ABL1: variants seen among roughly 807,000 people sequenced by gnomAD.
ABL1 encodes the protein tyrosine-protein kinase ABL1.
A neutral mutation model predicts 94.7 loss-of-function variants in ABL1; 11 were observed. That is an observed-to-expected ratio of 0.12 (90% CI 0.07 to 0.19). The LOEUF is 0.19. Ranked by LOEUF, ABL1 falls within the 10% of genes least tolerant of loss-of-function variation. ABL1 has a pLI of 1.00. For missense variants in ABL1, 1,082 were observed against 1,489.4 expected, an observed-to-expected ratio of 0.73 and a Z score of 4.50; for synonymous variants, 656 against 622.4, an observed-to-expected ratio of 1.05 and a Z score of -0.80.
At chr9:130,846,081 CTGTGTGTG>C (rs10554440) in intron 1 of ABL1, among the ~76,000 whole-genome samples, 38 of 148,148 alleles carry the variant, frequency 2.6e-4, no homozygotes, top group Admixed American at 4.0e-4. Context: ...AAACGTATGT[CTGTGTGTG>C]TGTGTGTGTG....
chr9:130,749,004 A>G (rs1031527190), intron 1 of ABL1, among the ~76,000 whole-genome samples: 2 of 152,190 alleles, frequency 1.3e-5, no homozygotes, highest in African/African-American at 4.8e-5. Flanking sequence ...TGAAATAGGC[A>G]TATCTTTTTG....
chr9:130,867,851 G>A (rs1831182298), intron 4 of ABL1, among the ~76,000 whole-genome samples: 1 of 152,104 alleles, frequency 6.6e-6, no homozygotes, highest in African/African-American at 2.4e-5. Flanking sequence ...CTACGAGGTG[G>A]TCTCTCCTGG....
Position 130,767,426 on chromosome 9 carries a change from G to A in ABL1, c.136+52971G>A, listed in dbSNP as rs148022178. Among the ~76,000 whole-genome samples the A allele has an allele frequency of 6.4e-3, 978 of 152,206 alleles. 6 individuals carry two copies. Among genetic ancestry groups the A allele is most frequent in the African/African-American group, 0.022 (905 of 41,524 alleles). On this transcript the variant is annotated intron_variant, in intron 1 of 10. Transcript: ENST00000372348. ...CTGCTCACTATAACCTCCGCCTCCC[G>A]GGTTCAAGCGATTCTTGTGCCTCAG...
chr9:130,734,372 C>T (rs1005169912), intron 1 of ABL1, among the ~76,000 whole-genome samples: 1 of 151,698 alleles, frequency 6.6e-6, no homozygotes, highest in African/African-American at 2.4e-5. Flanking sequence ...CGCCACCATG[C>T]CTGGCTAATT....
At chr9:130,819,978 C>T (rs1237952063) in intron 1 of ABL1, among the ~76,000 whole-genome samples, 1 of 151,762 alleles carries the variant, frequency 6.6e-6, no homozygotes, top group Non-Finnish European at 1.5e-5. Context: ...CTCTCAGCTT[C>T]AGAGGACACT....
chr9:130,726,589 A>G (rs1831589477), intron 1 of ABL1, among the ~76,000 whole-genome samples: 2 of 152,002 alleles, frequency 1.3e-5, no homozygotes, highest in Admixed American at 6.6e-5. Context: ...AACTTTCTCA[A>G]TTGTTTTCCA....
intron 2 of ABL1, 111 bp downstream of exon 2, chr9:130,854,348 G>T: frequency 8.0e-7 from 1 of 1,247,538 alleles, no homozygotes; most frequent in Admixed American, 2.4e-5. Context: ...AATCTGGACT[G>T]CAGGGATATC....
rs909710993 is a variant in ABL1, at chr9:130,814,540, G to C, written c.137-39524G>C. ...CTGAATATTGATCAGCAATCTAGAAGAAACAGATTCCTTGAATGACACAAA... is the reference window on the plus strand; with the variant it reads ...CTGAATATTGATCAGCAATCTAGAACAAACAGATTCCTTGAATGACACAAA... On this transcript the variant is annotated intron_variant, in intron 1 of 10. Coordinates refer to the ABL1 transcript ENST00000372348. This position sits in a 1 kb window ranked among gnomAD's most constrained non-coding sequence, Gnocchi z 4.4. 6.6e-6 allele frequency among the ~76,000 whole-genome samples: 1 copy of C among 152,226 alleles called. No homozygotes were observed. The highest frequency in any genetic ancestry group is 2.4e-5 in the African/African-American group (1 of 41,450).
In ABL1 at chr9:130,859,677, C is replaced by CTTTTTTTTTTTTTTTTTTTTTTTT. The variant is rs869234280; in HGVS notation, c.550-3080_550-3057dup. ...AAACGCTGTTTCTTTTCTTTCTTTC[C>CTTTTTTTTTTTTTTTTTTTTTTTT]TTTTTTTTTTTTTTTTTTTTTTTTT... On this transcript the variant is annotated intron_variant, in intron 3 of 10. Coordinates refer to ENST00000318560, the MANE Select transcript of ABL1 (RefSeq NM_005157.6). Among the ~76,000 whole-genome samples, 9 of 78,460 alleles carry CTTTTTTTTTTTTTTTTTTTTTTTT rather than the reference C, an allele frequency of 1.1e-4. 3 individuals carry two copies. The highest frequency in any genetic ancestry group is 5.4e-4 in the African/African-American group (8 of 14,880). The allele number at this position is 78,460 out of a possible 152,430, so 51.5% of individuals were successfully genotyped here.
chr9:130,807,829 C>T (rs980910490), intron 1 of ABL1, among the ~76,000 whole-genome samples: 2 of 150,404 alleles, frequency 1.3e-5, no homozygotes, highest in African/African-American at 4.9e-5. Context: ...TCCCGAGTAG[C>T]TGGGATCACA....
chr9:130,840,551 A>G (rs1026337826), intron 1 of ABL1, among the ~76,000 whole-genome samples: 1 of 152,264 alleles, frequency 6.6e-6, no homozygotes, highest in Admixed American at 6.5e-5. Context: ...ACTAAAGATC[A>G]AATGGGATAT....
At chr9:130,745,739 T>G (rs1831880082) in intron 1 of ABL1, among the ~76,000 whole-genome samples, 1 of 152,146 alleles carries the variant, frequency 6.6e-6, no homozygotes, top group East Asian at 1.9e-4. Flanking sequence ...TGACATTTTT[T>G]TAATCTCATG....
chr9:130,847,566 A>G lies in ABL1; in HGVS notation c.80-6498A>G, dbSNP rs78500299. On this transcript the variant is annotated intron_variant, in intron 1 of 10. Transcript: ENST00000318560. ...AAATGAAGCAAGTAACTTGGCATTT[A>G]TACATTGTGAGTCAATTTTGACATC... Among the ~76,000 whole-genome samples, 920 of 152,330 alleles carry G rather than the reference A, an allele frequency of 6.0e-3. 8 individuals are homozygous for G. The highest frequency in any genetic ancestry group is 0.021 in the African/African-American group (863 of 41,570).
At chr9:130,822,146 A>G (rs1830371481) in intron 1 of ABL1, among the ~76,000 whole-genome samples, 1 of 151,630 alleles carries the variant, frequency 6.6e-6, no homozygotes, top group Non-Finnish European at 1.5e-5. Context: ...CAAATTTTGT[A>G]TTTTTAGTAG....
At position 130,872,107 on chromosome 9, in the gene ABL1, C is replaced by T. The variant is rs759454910; in HGVS notation, c.823-22C>T. The T allele has an allele frequency of 6.2e-7, 1 of 1,611,326 alleles. No homozygotes were observed. Among genetic ancestry groups the T allele is most frequent in the Admixed American group, 1.7e-5 (1 of 59,900 alleles). ...AAAGCACTTCCTGAAATAATTTCAC[C>T]TTCGTTTTTTTCCTTCTGCAGGAGG... is the stretch of plus-strand genomic sequence containing the variant. On this transcript the variant is annotated intron_variant, in intron 4 of 10. Coordinates refer to ENST00000318560, the MANE Select transcript of ABL1 (RefSeq NM_005157.6). This position sits in a 1 kb window ranked among gnomAD's most constrained non-coding sequence, Gnocchi z 5.0.
chr9:130,726,860 A>G (rs941039089), intron 1 of ABL1, among the ~76,000 whole-genome samples: 1 of 152,224 alleles, frequency 6.6e-6, no homozygotes, highest in Non-Finnish European at 1.5e-5. Context: ...CAACATAGGC[A>G]TTTAAAGCTG....
In ABL1 at chr9:130,791,649, G is replaced by A. The variant is rs191429232; in HGVS notation, c.137-62415G>A. On this transcript the variant is annotated intron_variant, in intron 1 of 10. Transcript: ENST00000372348. Reference sequence around the variant, plus strand: ...ATGCTTCCTCCCACTCCTCCTGCCCGTCCACATAAGACTCCAGGTTCTAAG... The same window carrying A: ...ATGCTTCCTCCCACTCCTCCTGCCCATCCACATAAGACTCCAGGTTCTAAG... Among the ~76,000 whole-genome samples, 49 of 152,152 alleles carry A rather than the reference G, an allele frequency of 3.2e-4. No homozygotes were observed. In the East Asian group the frequency reaches 5.0e-3, roughly 16 times the overall value.
At chr9:130,844,826 C>T (rs1830738058) in intron 1 of ABL1, among the ~76,000 whole-genome samples, 1 of 152,158 alleles carries the variant, frequency 6.6e-6, no homozygotes, top group African/African-American at 2.4e-5. Context: ...AAAGAAATAC[C>T]TAGTTTCTAC....
rs115819338 is a variant in ABL1, at chr9:130,729,663, G to T, written c.136+15208G>T. 8.4e-3 allele frequency among the ~76,000 whole-genome samples: 1,275 copies of T among 152,182 alleles called. 25 individuals carry two copies. Among genetic ancestry groups the T allele is most frequent in the African/African-American group, 0.03 (1,238 of 41,524 alleles). On this transcript the variant is annotated intron_variant, in intron 1 of 10. Transcript: ENST00000372348. ...CTCAAATATTTTATTCAGCCATACA[G>T]TTGTTTAGGACAAAAGGATATCTAA...
Sources: gnomAD v4.1 joint callset for allele counts (sites outside exome capture counted in the v4.1 genomes callset) on GRCh38, gnomAD v4.1.1 for gene constraint, Gnocchi (gnomAD v3.1) non-coding constraint, MANE v1.5 for transcripts, NCBI Gene and HGNC (gene_info 2026-07-23, HGNC 2026-07-21) for gene names.